Variants in MYT1L observed in about 807,000 individuals in gnomAD.
MYT1L encodes myelin transcription factor 1-like protein.
Under a neutral mutation model 126.7 loss-of-function variants are expected in MYT1L, and 12 were observed. The ratio of observed to expected loss-of-function variants is 0.09; its 90% CI spans 0.06 to 0.15. The LOEUF (loss-of-function observed/expected upper bound fraction) is 0.15, where lower values mean the gene tolerates loss of function less well. MYT1L is among the 10% of genes least tolerant of loss of function. MYT1L has a pLI of 1.00. For synonymous variants in MYT1L, 541 were observed against 604.2 expected, an observed-to-expected ratio of 0.90 and a Z score of 1.53; for missense variants, 979 against 1,585.2, an observed-to-expected ratio of 0.62 and a Z score of 6.49.
intron 1 of MYT1L, among the ~76,000 whole-genome samples, chr2:2,296,447 A>G (rs1362307307): frequency 6.6e-6 from 1 of 152,232 alleles, no homozygotes; most frequent in Non-Finnish European, 1.5e-5. Flanking sequence ...CAAGAAATTA[A>G]AAAATATAAA....
At position 1,852,997 on chromosome 2, in the gene MYT1L, G is replaced by C. The variant is rs1264092424; in HGVS notation, c.2712-1294C>G. 6.6e-6 allele frequency among the ~76,000 whole-genome samples: 1 copy of C among 152,190 alleles called. No individual in the cohort carries two copies. Among genetic ancestry groups the C allele is most frequent in the African/African-American group, 2.4e-5 (1 of 41,444 alleles). The stretch of plus-strand genomic sequence containing the variant: ...GATCAGAGGAGAATGGCAGGGATTA[G>C]AGTGGGAACACATGACATTGGCCGA... On this transcript the variant is annotated intron_variant, in intron 18 of 24. Transcript: ENST00000647738. The surrounding 1 kb of genome is among the most constrained non-coding windows in gnomAD (Gnocchi z 4.0).
rs868715044 is a variant in MYT1L, at chr2:2,224,251, T to C, written c.-420-51263A>G. Among the ~76,000 whole-genome samples the C allele has an allele frequency of 3.9e-5, 6 of 152,086 alleles. No individual in the cohort carries two copies. Among genetic ancestry groups the C allele is most frequent in the South Asian group, 4.1e-4 (2 of 4,820 alleles). On this transcript the variant is annotated intron_variant, in intron 2 of 24. Coordinates refer to ENST00000647738, the MANE Select transcript of MYT1L (RefSeq NM_001303052.2). This position sits in a 1 kb window ranked among gnomAD's most constrained non-coding sequence, Gnocchi z 4.0. ...CCCTCCTTGCCCATCTGAGAGCCCA[T>C]TGTGCACTCCCTCATTTAAAATAGC...
At chr2:1,874,550 G>A (rs1457488975) in intron 18 of MYT1L, among the ~76,000 whole-genome samples, 2 of 152,218 alleles carry the variant, frequency 1.3e-5, no homozygotes, top group Non-Finnish European at 2.9e-5. Context: ...GTACCTAATG[G>A]GCAATGATGT....
intron 3 of MYT1L, among the ~76,000 whole-genome samples, chr2:2,117,396 C>T (rs900157024): frequency 6.6e-6 from 1 of 152,194 alleles, no homozygotes; most frequent in Admixed American, 6.5e-5. Flanking sequence ...TCTCCACCCT[C>T]AGGGATCCTG....
At chr2:2,178,539 T>G (rs1040093295) in intron 2 of MYT1L, among the ~76,000 whole-genome samples, 1 of 152,198 alleles carries the variant, frequency 6.6e-6, no homozygotes, top group Non-Finnish European at 1.5e-5. Context: ...TCTGGTACCC[T>G]CGCCCTCCTT....
At chr2:1,974,160 C>A (rs924008944) in intron 8 of MYT1L, among the ~76,000 whole-genome samples, 1 of 152,114 alleles carries the variant, frequency 6.6e-6, no homozygotes. Context: ...TATTGGGGAC[C>A]GAAACTAAAT....
At chr2:2,330,291 A>G (rs1369224049) in intron 1 of MYT1L, among the ~76,000 whole-genome samples, 1 of 152,134 alleles carries the variant, frequency 6.6e-6, no homozygotes, top group African/African-American at 2.4e-5. Context: ...TTAATACTAA[A>G]TTCAAAATCT....
rs774981422 is a variant in MYT1L at position 1,912,721 on chromosome 2, C to A, written c.1619-611G>T. On this transcript the variant is annotated intron_variant, in intron 11 of 24. Coordinates refer to ENST00000647738, the MANE Select transcript of MYT1L (RefSeq NM_001303052.2). This position sits in a 1 kb window ranked among gnomAD's most constrained non-coding sequence, Gnocchi z 4.3. ...AAATAGGATGAGCTAGAAGAGTAAG[C>A]GTCTGCGTTTTTACCCTGTGAAATT... Among the ~76,000 whole-genome samples, 1 of 150,610 alleles carries A rather than the reference C, an allele frequency of 6.6e-6. No individual in the cohort carries two copies. Among genetic ancestry groups the A allele is most frequent in the African/African-American group, 2.5e-5 (1 of 40,762 alleles).
At chr2:1,877,967 AG>A (rs2047128414) in intron 18 of MYT1L, among the ~76,000 whole-genome samples, 1 of 152,242 alleles carries the variant, frequency 6.6e-6, no homozygotes, top group South Asian at 2.1e-4. Flanking sequence ...AGGTGGAAAC[AG>A]GCTTCCAAGA....
Position 1,848,569 on chromosome 2 carries a change from T to G in MYT1L, c.2774+3072A>C, listed in dbSNP as rs1442049221. 6.6e-6 allele frequency among the ~76,000 whole-genome samples: 1 copy of G among 152,186 alleles called. No homozygotes were observed. The highest frequency in any genetic ancestry group is 2.4e-5 in the African/African-American group (1 of 41,444). ...AATCATCGTCTAAGTGGCGTTTGCC[T>G]ATAGGTAACATTATCTTCCTGTTCC... On this transcript the variant is annotated intron_variant, in intron 19 of 24. Transcript: ENST00000647738. The surrounding 1 kb of genome is among the most constrained non-coding windows in gnomAD (Gnocchi z 4.8).
intron 4 of MYT1L, among the ~76,000 whole-genome samples, chr2:2,049,572 A>G (rs558135566): frequency 5.3e-5 from 8 of 152,352 alleles, no homozygotes; most frequent in Admixed American, 2.6e-4. Context: ...AGATAGATAA[A>G]TAGACAGATA....
chr2:2,096,006 A>G (rs992949941), intron 3 of MYT1L, among the ~76,000 whole-genome samples: 1 of 152,182 alleles, frequency 6.6e-6, no homozygotes, highest in Non-Finnish European at 1.5e-5. Flanking sequence ...TGTGGCGCCC[A>G]CCTGTGGGTT....
chr2:2,015,253 A>G (rs768695478), intron 4 of MYT1L, among the ~76,000 whole-genome samples: 2 of 152,144 alleles, frequency 1.3e-5, no homozygotes, highest in African/African-American at 2.4e-5. Flanking sequence ...TGGGGACTTA[A>G]TTTGGGCTCC....
At chr2:2,096,747 G>T (rs2077502893) in intron 3 of MYT1L, among the ~76,000 whole-genome samples, 1 of 152,138 alleles carries the variant, frequency 6.6e-6, no homozygotes, top group Non-Finnish European at 1.5e-5. Context: ...TCCTGAGGAT[G>T]GACTGTGTGC....
At chr2:1,955,803 T>C (rs866548575) in intron 8 of MYT1L, among the ~76,000 whole-genome samples, 6 of 152,210 alleles carry the variant, frequency 3.9e-5, no homozygotes. Flanking sequence ...GATAATATCT[T>C]GGCTGGACAC....
chr2:1,986,158 T>C (rs2061001559), intron 5 of MYT1L, among the ~76,000 whole-genome samples: 1 of 152,270 alleles, frequency 6.6e-6, no homozygotes, highest in African/African-American at 2.4e-5. Flanking sequence ...ATTGTACTAA[T>C]GCATCTCTTG....
At chr2:2,130,109 T>C (rs566360155) in intron 3 of MYT1L, among the ~76,000 whole-genome samples, 1 of 152,032 alleles carries the variant, frequency 6.6e-6, no homozygotes, top group African/African-American at 2.4e-5. Flanking sequence ...AAATAATCTA[T>C]ATCCCCCAAA....
intron 1 of MYT1L, among the ~76,000 whole-genome samples, chr2:2,300,919 C>T (rs74336184): frequency 0.013 from 2,036 of 152,276 alleles, 46 homozygotes; most frequent in African/African-American, 0.045. Context: ...TGCCATAAAA[C>T]GCCCACTCTC....
At chr2:2,121,025 CCA>C (rs2080923747) in intron 3 of MYT1L, among the ~76,000 whole-genome samples, 2 of 152,268 alleles carry the variant, frequency 1.3e-5, no homozygotes, top group Admixed American at 6.5e-5. Flanking sequence ...GAACCAGCGC[CCA>C]CAGACCCTTG....
Sources: gnomAD v4.1 joint callset for allele counts (sites outside exome capture counted in the v4.1 genomes callset) on GRCh38, gnomAD v4.1.1 for gene constraint, Gnocchi (gnomAD v3.1) non-coding constraint, MANE v1.5 for transcripts, NCBI Gene and HGNC (gene_info 2026-07-23, HGNC 2026-07-21) for gene names.